The following SAMD12 variants were observed in gnomAD, a reference collection of about 807,000 sequenced individuals.
SAMD12 encodes sterile alpha motif domain containing 12.
In SAMD12, 9 loss-of-function variants were observed where a neutral mutation model predicts 15.0. The ratio of observed to expected loss-of-function variants is 0.60; its 90% CI spans 0.36 to 1.05. The LOEUF is 1.05. Among genes scored for constraint, SAMD12 ranks in the 50% least tolerant of loss-of-function variants. The pLI is 0.01. For synonymous variants in SAMD12, 86 were observed against 90.1 expected (o/e 0.96, Z 0.25); for missense variants, 230 against 234.2 (o/e 0.98, Z 0.12).
chr8:118,292,186 G>C (rs984037399), intron 4 of SAMD12, among the ~76,000 whole-genome samples: 1 of 150,952 alleles, frequency 6.6e-6, no homozygotes, highest in Non-Finnish European at 1.5e-5. Context: ...CTGCAAATAC[G>C]GTGCTGTGTA....
intron 4 of SAMD12, among the ~76,000 whole-genome samples, chr8:118,292,855 A>G (rs1439778726): frequency 7.2e-6 from 1 of 139,348 alleles, no homozygotes; most frequent in African/African-American, 2.7e-5. Context: ...GAACAATGAG[A>G]TCACATGGAC....
At chr8:118,220,802 G>A (rs903101229) in intron 4 of SAMD12, among the ~76,000 whole-genome samples, 3 of 152,018 alleles carry the variant, frequency 2.0e-5, no homozygotes, top group African/African-American at 7.3e-5. Flanking sequence ...ACACATCAAG[G>A]CCTTCCCAAA....
At chr8:118,390,243 C>T (rs1270217484) in intron 3 of SAMD12, among the ~76,000 whole-genome samples, 4 of 152,088 alleles carry the variant, frequency 2.6e-5, no homozygotes, top group South Asian at 2.1e-4. Flanking sequence ...CTCCTGACCT[C>T]GTAAGCCGCC....
chr8:118,280,455 G>A (rs564574792), intron 4 of SAMD12, among the ~76,000 whole-genome samples: 4 of 152,224 alleles, frequency 2.6e-5, no homozygotes, highest in African/African-American at 9.6e-5. Context: ...TATCATCACT[G>A]ATGCCTCCAG....
At chr8:118,254,986 A>T (rs1249368284) in intron 4 of SAMD12, among the ~76,000 whole-genome samples, 1 of 151,848 alleles carries the variant, frequency 6.6e-6, no homozygotes, top group East Asian at 1.9e-4. Flanking sequence ...CCTCAATCCT[A>T]ATTATCATGA....
intron 2 of SAMD12, among the ~76,000 whole-genome samples, chr8:118,475,037 G>A (rs1414839677): frequency 6.6e-6 from 1 of 152,118 alleles, no homozygotes; most frequent in Non-Finnish European, 1.5e-5. Flanking sequence ...TCAGGAGTTT[G>A]AGAACAGCCT....
intron 2 of SAMD12, among the ~76,000 whole-genome samples, chr8:118,538,160 CTCTGTCTGTCTGTCTGTCTG>C (rs61235691): frequency 6.6e-6 from 1 of 151,588 alleles, no homozygotes; most frequent in Non-Finnish European, 1.5e-5. Flanking sequence ...TGGAGTTAGT[CTCTGTCTGTCTGTCTGTCTG>C]TCTGTCTGTC....
chr8:118,565,599 T>C (rs563276869), intron 2 of SAMD12, among the ~76,000 whole-genome samples: 1 of 152,330 alleles, frequency 6.6e-6, no homozygotes, highest in Admixed American at 6.5e-5. Context: ...TGTATATCTT[T>C]AGTTGAGATC....
intron 2 of SAMD12, among the ~76,000 whole-genome samples, chr8:118,497,409 C>A (rs970848839): frequency 2.6e-5 from 4 of 152,134 alleles, no homozygotes; most frequent in African/African-American, 4.8e-5. Context: ...AAATAATGTT[C>A]TTTGCAGTAA....
intron 4 of SAMD12, among the ~76,000 whole-genome samples, chr8:118,315,803 C>T (rs1815864459): frequency 6.6e-6 from 1 of 152,044 alleles, no homozygotes; most frequent in Admixed American, 6.6e-5. Flanking sequence ...AAGCGTCCAC[C>T]ACTGTGGGAC....
intron 3 of SAMD12, among the ~76,000 whole-genome samples, chr8:118,411,753 T>C (rs935395193): frequency 6.6e-6 from 1 of 152,106 alleles, no homozygotes; most frequent in Non-Finnish European, 1.5e-5. Context: ...TTAGATACAG[T>C]ATAAAAGAGG....
intron 4 of SAMD12, among the ~76,000 whole-genome samples, chr8:118,312,591 T>C (rs1408195977): frequency 1.3e-5 from 2 of 152,228 alleles, no homozygotes; most frequent in Non-Finnish European, 2.9e-5. Flanking sequence ...CATTTAAATA[T>C]GGTTCTACCA....
At chr8:118,406,749 T>C (rs1480937451) in intron 3 of SAMD12, among the ~76,000 whole-genome samples, 1 of 152,192 alleles carries the variant, frequency 6.6e-6, no homozygotes. Context: ...TGGATTACAC[T>C]AGGTACCTCA....
rs182233802 is a variant in SAMD12 at position 118,459,154 on chromosome 8, C to T, written c.193-19193G>A. ...GATCTTGGCTCACTACAACCTCCGC[C>T]TCCCCGGTTCAAGTGATTCTCCTGC... On this transcript the variant is annotated intron_variant, in intron 2 of 3. Coordinates refer to ENST00000314727, the MANE Select transcript of SAMD12 (RefSeq NM_207506.3). 1.2e-4 allele frequency among the ~76,000 whole-genome samples: 19 copies of T among 152,180 alleles called. No homozygotes were observed. The East Asian group carries it at 3.7e-3, about 29-fold the overall frequency.
intron 4 of SAMD12, among the ~76,000 whole-genome samples, chr8:118,308,335 T>C (rs1376432080): frequency 2.6e-5 from 4 of 152,296 alleles, no homozygotes; most frequent in Middle Eastern, 3.4e-3. Context: ...ATGGCAATGA[T>C]ACCAAGACAC....
At chr8:118,581,512 GA>G (rs781404860) in intron 1 of SAMD12, among the ~76,000 whole-genome samples, 2 of 151,972 alleles carry the variant, frequency 1.3e-5, no homozygotes, top group African/African-American at 2.4e-5. Context: ...ACATGGCAAA[GA>G]AAAAAAAGCC....
intron 4 of SAMD12, among the ~76,000 whole-genome samples, chr8:118,309,335 T>C (rs569601218): frequency 1.1e-4 from 17 of 152,206 alleles, no homozygotes; most frequent in South Asian, 2.1e-4. Context: ...TTCTTTCTTA[T>C]GGCTGAGTAG....
intron 4 of SAMD12, among the ~76,000 whole-genome samples, chr8:118,334,219 C>T (rs1816946726): frequency 6.6e-6 from 1 of 152,152 alleles, no homozygotes; most frequent in African/African-American, 2.4e-5. Flanking sequence ...GAGCATCAGG[C>T]ACCAATCGGT....
intron 2 of SAMD12, among the ~76,000 whole-genome samples, chr8:118,447,535 C>T (rs1259337944): frequency 6.6e-6 from 1 of 151,954 alleles, no homozygotes; most frequent in Non-Finnish European, 1.5e-5. Context: ...GAACTCCTGA[C>T]CTCGTGATTT....
Sources: gnomAD v4.1 joint callset for allele counts (sites outside exome capture counted in the v4.1 genomes callset) on GRCh38, gnomAD v4.1.1 for gene constraint, MANE v1.5 for transcripts, NCBI Gene and HGNC (gene_info 2026-07-23, HGNC 2026-07-21) for gene names.